ALK: variants seen among roughly 807,000 people sequenced by gnomAD.
ALK encodes ALK tyrosine kinase receptor.
Under a neutral mutation model 163.1 loss-of-function variants are expected in ALK, and 74 were observed. That is an observed-to-expected ratio of 0.45 (90% CI 0.38 to 0.55). The LOEUF is 0.55. Ranked by LOEUF, ALK falls within the 20% of genes least tolerant of loss-of-function variation. ALK has a pLI of 0.00. For synonymous variants in ALK, 960 were observed against 843.2 expected, an observed-to-expected ratio of 1.14 and a Z score of -2.40; for missense variants, 2,063 against 2,105.3, an observed-to-expected ratio of 0.98 and a Z score of 0.39.
chr2:29,577,280 G>T (rs1456133806), intron 3 of ALK, among the ~76,000 whole-genome samples: 2 of 152,122 alleles, frequency 1.3e-5, no homozygotes, highest in Admixed American at 6.5e-5. Flanking sequence ...ACCCTTCTGA[G>T]CCTCAGTTTC....
intron 3 of ALK, among the ~76,000 whole-genome samples, chr2:29,559,385 G>A (rs764263489): frequency 4.6e-5 from 7 of 152,212 alleles, no homozygotes; most frequent in Non-Finnish European, 7.3e-5. Flanking sequence ...AGCCCCAAAC[G>A]TCTGCCCAGC....
At chr2:29,843,365 T>C (rs1453357636) in intron 1 of ALK, among the ~76,000 whole-genome samples, 1 of 152,088 alleles carries the variant, frequency 6.6e-6, no homozygotes, top group African/African-American at 2.4e-5. Flanking sequence ...GTGTGTATGG[T>C]GTGCGTGTGT....
In ALK at chr2:29,312,566, C is replaced by T. The variant is rs564247936; in HGVS notation, c.1647+5738G>A. ...GTGGGGCAGGAGGGAGGCAGCTCTA[C>T]CTGGAGCCACCACCCTGCTCCGACT... On this transcript the variant is annotated intron_variant, in intron 8 of 28. Coordinates refer to ENST00000389048, the MANE Select transcript of ALK (RefSeq NM_004304.5). 3.3e-5 allele frequency among the ~76,000 whole-genome samples: 5 copies of T among 152,260 alleles called. No homozygotes were observed. The South Asian group carries it at 1.0e-3, about 32-fold the overall frequency.
At chr2:29,731,712 G>T (rs1461513732) in intron 1 of ALK, among the ~76,000 whole-genome samples, 1 of 152,162 alleles carries the variant, frequency 6.6e-6, no homozygotes, top group Admixed American at 6.5e-5. Flanking sequence ...ATCTCCAAAT[G>T]TAAACCAAAG....
intron 1 of ALK, among the ~76,000 whole-genome samples, chr2:29,793,708 C>T (rs1229730405): frequency 6.6e-6 from 1 of 152,142 alleles, no homozygotes; most frequent in East Asian, 1.9e-4. Flanking sequence ...TGGGCAGTAA[C>T]ATTCTAAAAG....
intron 3 of ALK, among the ~76,000 whole-genome samples, chr2:29,611,189 G>C (rs1010244473): frequency 6.6e-6 from 1 of 152,160 alleles, no homozygotes; most frequent in Admixed American, 6.5e-5. Context: ...CAGGGGAACA[G>C]CCACAGACAG....
chr2:29,510,685 T>C (rs950664397), intron 4 of ALK, among the ~76,000 whole-genome samples: 1 of 152,166 alleles, frequency 6.6e-6, no homozygotes, highest in Non-Finnish European at 1.5e-5. Flanking sequence ...AAAGAGAGTA[T>C]TGGATGTTTA....
intron 5 of ALK, among the ~76,000 whole-genome samples, chr2:29,337,755 C>T (rs1667664213): frequency 6.6e-6 from 1 of 152,164 alleles, no homozygotes; most frequent in Non-Finnish European, 1.5e-5. Flanking sequence ...GGATTTTCTC[C>T]TTGGTCCAGT....
chr2:29,900,700 C>T (rs963402058), intron 1 of ALK, among the ~76,000 whole-genome samples: 2 of 152,140 alleles, frequency 1.3e-5, no homozygotes, highest in East Asian at 1.9e-4. Flanking sequence ...GGCAATGAAA[C>T]GTGCACAGGA....
At chr2:29,565,342 G>C (rs1460660897) in intron 3 of ALK, among the ~76,000 whole-genome samples, 2 of 152,200 alleles carry the variant, frequency 1.3e-5, no homozygotes, top group African/African-American at 4.8e-5. Context: ...TCCTACTGGT[G>C]AGCACGGAAG....
At chr2:29,335,279 T>C (rs1667576958) in intron 5 of ALK, among the ~76,000 whole-genome samples, 1 of 152,208 alleles carries the variant, frequency 6.6e-6, no homozygotes, top group Non-Finnish European at 1.5e-5. Context: ...ATTTACATAT[T>C]AGCCTTTGAA....
At chr2:29,646,492 C>T (rs1205409181) in intron 3 of ALK, among the ~76,000 whole-genome samples, 1 of 152,134 alleles carries the variant, frequency 6.6e-6, no homozygotes, top group East Asian at 1.9e-4. Context: ...CCTCCAAAAC[C>T]TTCCATTTCT....
At chr2:29,462,914 T>A (rs1021774342) in intron 4 of ALK, among the ~76,000 whole-genome samples, 34 of 152,130 alleles carry the variant, frequency 2.2e-4, no homozygotes, top group African/African-American at 8.0e-4. Flanking sequence ...CAATTAATTA[T>A]AAATATAGCC....
At chr2:29,262,356 G>A (rs1384021156) in intron 11 of ALK, among the ~76,000 whole-genome samples, 1 of 152,158 alleles carries the variant, frequency 6.6e-6, no homozygotes, top group Non-Finnish European at 1.5e-5. Flanking sequence ...GTACACACAT[G>A]TGTGTGCTTA....
At chr2:29,792,251 G>A (rs1664207380) in intron 1 of ALK, among the ~76,000 whole-genome samples, 1 of 152,178 alleles carries the variant, frequency 6.6e-6, no homozygotes, top group Admixed American at 6.5e-5. Flanking sequence ...TGGAACAGTG[G>A]AACAGTTGCA....
At chr2:29,334,142 C>T (rs1450085484) in intron 5 of ALK, among the ~76,000 whole-genome samples, 1 of 152,102 alleles carries the variant, frequency 6.6e-6, no homozygotes, top group Non-Finnish European at 1.5e-5. Flanking sequence ...TGGATTCTCC[C>T]CTCCATGAAT....
At chr2:29,493,153 G>A (rs1051221348) in intron 4 of ALK, among the ~76,000 whole-genome samples, 6 of 152,216 alleles carry the variant, frequency 3.9e-5, no homozygotes, top group East Asian at 1.9e-4. Context: ...ATAGCAAGGA[G>A]TGTGGATTGG....
Position 29,233,609 on chromosome 2 carries a change from C to A in ALK, c.2443G>T (p.Ala815Ser), listed in dbSNP as rs200486099. Residue 815 changes from alanine to serine, a missense_variant, in exon 14 of 29, where the codon GCA becomes TCA. Coordinates refer to ENST00000389048, the MANE Select transcript of ALK (RefSeq NM_004304.5). ...IRVNRSVHEW[A>S]GGGGGGGGAT... The stretch of plus-strand genomic sequence containing the variant: ...CCACCCCCTCCTCCTCCGCCTCCTG[C>A]CCACTCATGCACGCTTCTGTTCACA... 1.9e-6 allele frequency: 3 copies of A among 1,614,222 alleles called. No individual in the cohort carries two copies. The highest frequency in any genetic ancestry group is 1.7e-5 in the Admixed American group (1 of 60,026).
intron 1 of ALK, among the ~76,000 whole-genome samples, chr2:29,733,723 C>T (rs1679811653): frequency 6.6e-6 from 1 of 152,130 alleles, no homozygotes; most frequent in Admixed American, 6.5e-5. Context: ...AGTTTTAAAA[C>T]TTCAGGGAAG....
Sources: gnomAD v4.1 joint callset for allele counts (sites outside exome capture counted in the v4.1 genomes callset) on GRCh38, gnomAD v4.1.1 for gene constraint, MANE v1.5 for transcripts, NCBI Gene and HGNC (gene_info 2026-07-23, HGNC 2026-07-21) for gene names.